ADGRG1: variants seen among roughly 807,000 people sequenced by gnomAD.
The protein encoded by ADGRG1 is 7-transmembrane protein with no EGF-like N-terminal domains-1.
ADGRG1 carries 53 observed loss-of-function variants against 73.5 expected under a neutral mutation model. The ratio of observed to expected loss-of-function variants is 0.72; its 90% CI spans 0.58 to 0.91. The LOEUF is 0.91. Among genes scored for constraint, ADGRG1 ranks in the 40% least tolerant of loss-of-function variants. The pLI is 0.00. For synonymous variants in ADGRG1, 394 were observed against 374.4 expected (o/e 1.05, Z -0.60); for missense variants, 795 against 871.8 (o/e 0.91, Z 1.11).
At chr16:57,644,422 GTCACACACTCC>G (rs1567717607) in intron 1 of ADGRG1, among the ~76,000 whole-genome samples, 3 of 122,884 alleles carry the variant, frequency 2.4e-5, no homozygotes, top group African/African-American at 9.7e-5. Context: ...ACACACACTC[GTCACACACTCC>G]TCACACATTC....
At chr16:57,650,398 A>C (rs760569127) in intron 2 of ADGRG1, 47 bp downstream of exon 2, 4 of 1,610,752 alleles carry the variant, frequency 2.5e-6, no homozygotes, top group Non-Finnish European at 3.4e-6. Context: ...TTACGTTAAA[A>C]TGCCCCTGTG....
At chr16:57,660,712 G>A in intron 11 of ADGRG1, 56 bp from the exon 12 acceptor site, 1 of 1,466,658 alleles carries the variant, frequency 6.8e-7, no homozygotes, top group Non-Finnish European at 9.4e-7. Flanking sequence ...AGGCCAGCAG[G>A]GAATGGGCAG....
chr16:57,642,054 C>T (rs1225175402), intron 1 of ADGRG1: 1 of 984,586 alleles, frequency 1.0e-6, no homozygotes, highest in East Asian at 1.1e-4. Flanking sequence ...CCCCTGGCTT[C>T]AATTCCAAAA....
rs544882808 is a variant in ADGRG1, at chr16:57,663,288, G to A, written c.1934-164G>A. 6.4e-5 allele frequency: 63 copies of A among 982,534 alleles called. No homozygotes were observed. The East Asian group carries it at 5.9e-3, about 92-fold the overall frequency. The allele number at this position is 982,534 out of a possible 1,614,324, so 60.9% of individuals were successfully genotyped here. On this transcript the variant is annotated intron_variant, in intron 13 of 13. Coordinates refer to ENST00000562631, the MANE Select transcript of ADGRG1 (RefSeq NM_201525.4). ...ACACGGGGACGCAGCACAGTGCCCGGCTCATAGGAGGTGCTCGCTGGGTCT... is the reference window on the plus strand; with the variant it reads ...ACACGGGGACGCAGCACAGTGCCCGACTCATAGGAGGTGCTCGCTGGGTCT...
intron 1 of ADGRG1, chr16:57,635,672 C>T (rs759434710): frequency 7.0e-5 from 69 of 984,824 alleles, no homozygotes; most frequent in Non-Finnish European, 7.8e-5. Context: ...GCTTTGGGCC[C>T]TGTGGCTCAG....
At chr16:57,623,505 A>G, upstream of ADGRG1, among the ~76,000 whole-genome samples, 1 of 152,144 alleles carries the variant, frequency 6.6e-6, no homozygotes, top group Non-Finnish European at 1.5e-5. Context: ...CTTTCATTCT[A>G]TCATCTGAGC....
intron 1 of ADGRG1, among the ~76,000 whole-genome samples, chr16:57,629,715 C>T (rs762831130): frequency 1.4e-4 from 21 of 152,290 alleles, no homozygotes; most frequent in Non-Finnish European, 2.1e-4. Context: ...GCGCAGGCTG[C>T]GGGCTGAACA....
chr16:57,647,444 T>A (rs1308925565), intron 1 of ADGRG1: 1 of 985,000 alleles, frequency 1.0e-6, no homozygotes. Context: ...GTTTAGAAAG[T>A]ACAGAGATAC....
intron 1 of ADGRG1, chr16:57,642,206 C>T (rs762797692): frequency 1.0e-4 from 99 of 985,306 alleles, no homozygotes; most frequent in Non-Finnish European, 1.2e-4. Context: ...AATGGAATGG[C>T]ACACCTGGGA....
chr16:57,639,177 C>T (rs1293533862), intron 1 of ADGRG1: 3 of 752,322 alleles, frequency 4.0e-6, no homozygotes, highest in Non-Finnish European at 4.9e-6. Context: ...AGCTCTGGCT[C>T]TTTGTGGTCC....
intron 3 of ADGRG1, chr16:57,651,901 G>T (rs1033720309): frequency 3.6e-6 from 5 of 1,394,928 alleles, no homozygotes; most frequent in Non-Finnish European, 3.7e-6. Flanking sequence ...TCCTGAGGCT[G>T]CAGAGAAGGT....
chr16:57,648,286 T>G (rs1396064790), intron 1 of ADGRG1: 1 of 173,066 alleles, frequency 5.8e-6, no homozygotes, highest in East Asian at 1.9e-4. Context: ...TTGGGTTTCC[T>G]TCCAGTGGTC....
rs1461683687 is a variant in ADGRG1, at chr16:57,645,117, C to G, written c.-35-5136C>G. On this transcript the variant is annotated intron_variant, in intron 1 of 13. Coordinates refer to ENST00000562631, the MANE Select transcript of ADGRG1 (RefSeq NM_201525.4). Reference sequence around the variant, plus strand: ...GCAGGAGTTCATCCTCACCCTGCCGCCCGACCCCCTGGGCCAAATCCTTGC... The same window carrying G: ...GCAGGAGTTCATCCTCACCCTGCCGGCCGACCCCCTGGGCCAAATCCTTGC... 8 of 984,666 alleles carry G rather than the reference C, an allele frequency of 8.1e-6. No individual in the cohort carries two copies. In the African/African-American group the frequency reaches 1.1e-4, roughly 13 times the overall value. 61.0% of individuals were successfully genotyped at this position (984,666 alleles called of 1,614,324 possible). A position where few individuals can be genotyped will look rare whatever the true frequency, so the allele number is the denominator to read the frequency against.
At position 57,654,001 on chromosome 16, in the gene ADGRG1, G is replaced by A. The variant is rs750808130; in HGVS notation, c.636G>A (p.Leu212=). Residue 212 remains leucine (L), a synonymous_variant, in exon 5 of 14, where the codon CTG becomes CTA. Coordinates refer to ENST00000562631, the MANE Select transcript of ADGRG1 (RefSeq NM_201525.4). ...TCCCTGCCAGGCAGTTGCAGAGCCT[G>A]GAGTCGAAACTGACCTCTGTGAGAT... ...AAPASQQLQS[L]ESKLTSVRFM... 1.2e-5 allele frequency: 19 copies of A among 1,613,952 alleles called. No individual in the cohort carries two copies. In the East Asian group the frequency reaches 4.2e-4, roughly 36 times the overall value.
intron 13 of ADGRG1, 80 bp downstream of exon 13, chr16:57,662,045 C>A: frequency 5.2e-6 from 6 of 1,150,278 alleles, no homozygotes; most frequent in Non-Finnish European, 7.9e-6. Context: ...ACCCAGGGAA[C>A]CTGAAGACTT....
At chr16:57,646,748 C>T in intron 1 of ADGRG1, 10 of 958,326 alleles carry the variant, frequency 1.0e-5, no homozygotes, top group Non-Finnish European at 1.2e-5. Flanking sequence ...ACAGCCTTCC[C>T]CAGCCTCAGT....
At chr16:57,646,183 G>A (rs976471348) in intron 1 of ADGRG1, 1 of 163,586 alleles carries the variant, frequency 6.1e-6, no homozygotes, top group African/African-American at 2.4e-5. Context: ...TCCATCCTCT[G>A]AGGAAATGGG....
chr16:57,631,835 G>A, intron 1 of ADGRG1: 2 of 984,670 alleles, frequency 2.0e-6, no homozygotes, highest in Non-Finnish European at 2.4e-6. Context: ...CCCATCTGGG[G>A]CTCCTTGAGG....
intron 12 of ADGRG1, chr16:57,661,136 G>T (rs896560430): frequency 7.3e-5 from 21 of 287,626 alleles, no homozygotes; most frequent in African/African-American, 3.4e-4. Context: ...ATGAATGGGG[G>T]TATGGGTTGG....
Sources: allele counts gnomAD v4.1 joint callset (sites outside exome capture counted in the v4.1 genomes callset), GRCh38; gene constraint gnomAD v4.1.1; transcripts MANE v1.5; gene names NCBI Gene and HGNC (gene_info 2026-07-23, HGNC 2026-07-21).